The following SYTL3 variants were observed in gnomAD, a reference collection of about 807,000 sequenced individuals.
SYTL3 encodes the protein synaptotagmin-like protein 3.
SYTL3 carries 88 observed loss-of-function variants against 82.1 expected under a neutral mutation model. That is an observed-to-expected ratio of 1.07 (90% CI 0.90 to 1.28). SYTL3 has a LOEUF of 1.28. Ranked by LOEUF, SYTL3 falls within the 50% of genes most tolerant of loss-of-function variation. The probability of loss-of-function intolerance (pLI) is 0.00; values close to 1 mark genes in which losing one functional copy is unlikely to be tolerated. For missense variants in SYTL3, 831 were observed against 757.6 expected (o/e 1.10, Z -1.14); for synonymous variants, 311 against 289.4 (o/e 1.07, Z -0.76).
intron 6 of SYTL3, among the ~76,000 whole-genome samples, chr6:158,692,257 C>CA (rs571381475): frequency 0.04 from 1,274 of 32,186 alleles, 456 homozygotes; most frequent in East Asian, 0.11. Flanking sequence ...GACTCCGTCT[C>CA]AAAAAAAAAA....
At chr6:158,677,192 G>A (rs1163448654) in intron 5 of SYTL3, among the ~76,000 whole-genome samples, 2 of 152,180 alleles carry the variant, frequency 1.3e-5, no homozygotes, top group African/African-American at 2.4e-5. Context: ...TTAAGAAAAT[G>A]TGGCACATAT....
Position 158,764,721 on chromosome 6 carries a change from C to T in SYTL3, c.*117C>T, listed in dbSNP as rs1012293177. 3 of 689,108 alleles carry T rather than the reference C, an allele frequency of 4.4e-6. No homozygotes were observed. The highest frequency in any genetic ancestry group is 2.6e-5 in the East Asian group (1 of 38,922). 42.7% of individuals were successfully genotyped at this position (689,108 alleles called of 1,614,324 possible). A position where few individuals can be genotyped will look rare whatever the true frequency, so the allele number is the denominator to read the frequency against. ...GACCCCTTTGACCTTGAGCAGTCTC[C>T]ATCTGCGGCCCTGTCCCATGGCTTA... is the stretch of plus-strand genomic sequence containing the variant. On this transcript the variant is annotated 3_prime_UTR_variant, in exon 18 of 18. Coordinates refer to ENST00000611299, the MANE Select transcript of SYTL3 (RefSeq NM_001242394.2).
upstream of SYTL3, among the ~76,000 whole-genome samples, chr6:158,645,754 C>T (rs747330803): frequency 3.3e-5 from 5 of 152,096 alleles, no homozygotes; most frequent in Admixed American, 2.6e-4. Flanking sequence ...CCTAACCCAA[C>T]GACTCCTCCC....
At chr6:158,723,582 T>C (rs1784381463) in intron 10 of SYTL3, among the ~76,000 whole-genome samples, 1 of 152,210 alleles carries the variant, frequency 6.6e-6, no homozygotes, top group Non-Finnish European at 1.5e-5. Context: ...TTTAAGTGTA[T>C]AGTTCGCGGC....
At chr6:158,656,787 A>G (rs1449101547) in intron 2 of SYTL3, among the ~76,000 whole-genome samples, 1 of 152,150 alleles carries the variant, frequency 6.6e-6, no homozygotes, top group Non-Finnish European at 1.5e-5. Flanking sequence ...CCTGAAGCAC[A>G]AACCTGGTGT....
At position 158,663,253 on chromosome 6, in the gene SYTL3, C is replaced by A. The variant is rs2291384; in HGVS notation, c.-16C>A. The stretch of plus-strand genomic sequence containing the variant: ...GTGAAGCTCTTCCAACCTGGGTCAA[C>A]GAAAACGGAGAAGAAATGGCCCAAG... On this transcript the variant is annotated 5_prime_UTR_variant, in exon 4 of 18. Transcript: ENST00000611299. 5.0e-6 allele frequency: 8 copies of A among 1,613,474 alleles called. No individual in the cohort carries two copies. In the East Asian group the frequency reaches 1.1e-4, roughly 22 times the overall value.
Position 158,757,369 on chromosome 6 carries a change from G to A in SYTL3, c.1296G>A (p.Pro432=), listed in dbSNP as rs138581980. The change falls in exon 14 of 18, where the codon CCG becomes CCA. Residue 432 remains proline (P), a synonymous_variant. Transcript: ENST00000611299. ...CAACACAGTCCTTCCGCTGGCATCCGCTCCGGGCCAAGGTGATGTCTGGTT... is the reference window on the plus strand; with the variant it reads ...CAACACAGTCCTTCCGCTGGCATCCACTCCGGGCCAAGGTGATGTCTGGTT... ...DSTTQSFRWH[P]LRAKAEKYED... is the part of the protein sequence containing the mutation. 1.5e-5 allele frequency: 24 copies of A among 1,613,886 alleles called. No individual in the cohort carries two copies. Among genetic ancestry groups the A allele is most frequent in the Admixed American group, 5.0e-5 (3 of 59,988 alleles).
intron 2 of SYTL3, among the ~76,000 whole-genome samples, chr6:158,655,149 C>T (rs1788527484): frequency 6.6e-6 from 1 of 152,130 alleles, no homozygotes; most frequent in East Asian, 1.9e-4. Flanking sequence ...TTGTGAATTC[C>T]TGCGTGAGAT....
chr6:158,645,002 C>T, the SYTL3 span, among the ~76,000 whole-genome samples: 3 of 152,354 alleles, frequency 2.0e-5, no homozygotes, highest in South Asian at 6.2e-4. Flanking sequence ...AAACAAAACA[C>T]ACGTACAAAA....
At chr6:158,686,616 AAG>A (rs957251819) in intron 6 of SYTL3, among the ~76,000 whole-genome samples, 2 of 152,194 alleles carry the variant, frequency 1.3e-5, no homozygotes, top group African/African-American at 4.8e-5. Context: ...GTGGCCCTAA[AAG>A]AGAACCAGGT....
At chr6:158,761,320 T>TTTTTTTTA (rs1789907735) in intron 15 of SYTL3, among the ~76,000 whole-genome samples, 34 of 147,036 alleles carry the variant, frequency 2.3e-4, no homozygotes, top group Non-Finnish European at 3.2e-4. Flanking sequence ...TTTTTTTTTT[T>TTTTTTTTA]GAGACAGAGT....
At chr6:158,657,220 G>C (rs1788783106) in intron 2 of SYTL3, among the ~76,000 whole-genome samples, 1 of 152,134 alleles carries the variant, frequency 6.6e-6, no homozygotes, top group Non-Finnish European at 1.5e-5. Flanking sequence ...GAGGTCAGGA[G>C]TTCAAGACCA....
At chr6:158,740,452 T>C (rs1786792235) in intron 11 of SYTL3, among the ~76,000 whole-genome samples, 1 of 152,222 alleles carries the variant, frequency 6.6e-6, no homozygotes, top group Non-Finnish European at 1.5e-5. Context: ...AAAGTTTATA[T>C]CTTTCAGTGC....
chr6:158,717,945 C>T (rs1313767708), intron 9 of SYTL3, 142 bp from the exon 10 acceptor site: 8 of 640,294 alleles, frequency 1.2e-5, no homozygotes, highest in East Asian at 3.4e-5. Flanking sequence ...GGGAATGTGC[C>T]GCCCTTGCTC....
intron 4 of SYTL3, among the ~76,000 whole-genome samples, chr6:158,664,980 T>C (rs990381303): frequency 2.6e-5 from 4 of 152,210 alleles, no homozygotes; most frequent in Admixed American, 6.5e-5. Flanking sequence ...GGATGTATGC[T>C]GTGTGTTTCT....
At chr6:158,670,103 CTAATTA>C (rs1777195726) in intron 5 of SYTL3, among the ~76,000 whole-genome samples, 1 of 152,122 alleles carries the variant, frequency 6.6e-6, no homozygotes, top group African/African-American at 2.4e-5. Context: ...AAGTTCTATT[CTAATTA>C]TGTTTCTGCC....
At chr6:158,659,766 G>A (rs1282842839) in intron 2 of SYTL3, among the ~76,000 whole-genome samples, 1 of 152,148 alleles carries the variant, frequency 6.6e-6, no homozygotes, top group African/African-American at 2.4e-5. Context: ...CTTTGCCTTG[G>A]CTACCAGGAA....
Position 158,763,407 on chromosome 6 carries a change from A to G in SYTL3, c.1621A>G (p.Thr541Ala). 1.2e-6 allele frequency: 2 copies of G among 1,614,164 alleles called. No individual in the cohort carries two copies. Among genetic ancestry groups the G allele is most frequent in the Non-Finnish European group, 1.7e-6 (2 of 1,180,016 alleles). The change falls in exon 17 of 18, where the codon ACC (threonine) becomes GCC (alanine). Residue 541 changes from threonine (T) to alanine (A), a missense_variant. Transcript: ENST00000611299. ...ACACTCATTTGTCTTCAGTGGCGTA[A>G]CCCCAGCTCAGCTGAGGCAGTCAAG... is the stretch of plus-strand genomic sequence containing the variant. ...WKHSFVFSGV[T>A]PAQLRQSSLE...
At chr6:158,673,730 G>A (rs1420149353) in intron 5 of SYTL3, among the ~76,000 whole-genome samples, 2 of 150,364 alleles carry the variant, frequency 1.3e-5, no homozygotes, top group African/African-American at 2.4e-5. Flanking sequence ...GAGCCACCAC[G>A]CCCCGCCAGG....
Sources: allele counts gnomAD v4.1 joint callset (sites outside exome capture counted in the v4.1 genomes callset), GRCh38; gene constraint gnomAD v4.1.1; transcripts MANE v1.5; gene names NCBI Gene and HGNC (gene_info 2026-07-23, HGNC 2026-07-21).